OXCT1: variants seen among roughly 807,000 people sequenced by gnomAD.
OXCT1 encodes 3-oxoacid CoA-transferase 1, also known as succinyl-CoA:3-ketoacid coenzyme A transferase 1, mitochondrial.
In OXCT1, 27 loss-of-function variants were observed where a neutral mutation model predicts 69.6. That is an observed-to-expected ratio of 0.39 (90% CI 0.29 to 0.54). The LOEUF (loss-of-function observed/expected upper bound fraction) is 0.54, where lower values mean the gene tolerates loss of function less well. OXCT1 is among the 20% of genes least tolerant of loss of function. The probability of loss-of-function intolerance (pLI) is 0.72; values close to 1 mark genes in which losing one functional copy is unlikely to be tolerated. For synonymous variants in OXCT1, 202 were observed against 217.8 expected, an observed-to-expected ratio of 0.93 and a Z score of 0.64; for missense variants, 437 against 650.2, an observed-to-expected ratio of 0.67 and a Z score of 3.57.
In OXCT1 at chr5:41,731,667, T is replaced by G; in HGVS notation, c.*62A>C. ...TACACAATTATGATTATTGATGTCC[T>G]TTCAATTAAATCTTGTGTGTTTAAA... is the stretch of plus-strand genomic sequence containing the variant. On this transcript the variant is annotated 3_prime_UTR_variant, in exon 17 of 17. Coordinates refer to ENST00000196371, the MANE Select transcript of OXCT1 (RefSeq NM_000436.4). The G allele has an allele frequency of 3.8e-6, 6 of 1,561,854 alleles. No individual in the cohort carries two copies. The highest frequency in any genetic ancestry group is 5.2e-6 in the Non-Finnish European group (6 of 1,150,790).
rs181755809 is a variant in OXCT1 at position 41,805,149 on chromosome 5, G to C, written c.955+418C>G. ...AGGATCTTTGTCAAGAGAATAAAAG[G>C]GTTGTTAAGAAGTTGGATCTTTCAA... is the stretch of plus-strand genomic sequence containing the variant. On this transcript the variant is annotated intron_variant, in intron 9 of 16. Coordinates refer to ENST00000196371, the MANE Select transcript of OXCT1 (RefSeq NM_000436.4). Among the ~76,000 whole-genome samples the C allele has an allele frequency of 5.9e-5, 9 of 152,036 alleles. No individual in the cohort carries two copies. The East Asian group carries it at 1.4e-3, about 23-fold the overall frequency.
At chr5:41,764,231 A>G (rs1254454519) in intron 13 of OXCT1, among the ~76,000 whole-genome samples, 1 of 152,174 alleles carries the variant, frequency 6.6e-6, no homozygotes, top group African/African-American at 2.4e-5. Context: ...CTAGCCTGTT[A>G]ACTATGAGTC....
intron 14 of OXCT1, among the ~76,000 whole-genome samples, chr5:41,750,612 A>G (rs1042528009): frequency 1.3e-5 from 2 of 152,218 alleles, no homozygotes; most frequent in South Asian, 2.1e-4. Context: ...TGACGCCACT[A>G]TCGTCCTTAG....
intron 7 of OXCT1, among the ~76,000 whole-genome samples, chr5:41,815,285 T>C (rs1331974624): frequency 1.3e-5 from 2 of 152,192 alleles, no homozygotes; most frequent in African/African-American, 4.8e-5. Flanking sequence ...TCATTTCCAC[T>C]GACTCAAACC....
chr5:41,825,898 G>C (rs564869159), intron 7 of OXCT1, among the ~76,000 whole-genome samples: 17 of 152,302 alleles, frequency 1.1e-4, no homozygotes, highest in African/African-American at 4.1e-4. Flanking sequence ...TTCAGCACAA[G>C]CAAGTTTTAA....
intron 7 of OXCT1, among the ~76,000 whole-genome samples, chr5:41,838,918 A>G (rs932545183): frequency 7.9e-5 from 12 of 152,318 alleles, no homozygotes; most frequent in African/African-American, 2.9e-4. Flanking sequence ...TTTTAATTTT[A>G]TAAGTCACAT....
chr5:41,850,267 A>G, intron 4 of OXCT1, 88 bp from the exon 5 acceptor site: 3 of 1,432,216 alleles, frequency 2.1e-6, no homozygotes, highest in Non-Finnish European at 1.9e-6. Context: ...CCTACTATCT[A>G]GAGGCTTATA....
chr5:41,840,344 C>G (rs570236821), intron 7 of OXCT1, 107 bp downstream of exon 7: 36 of 835,822 alleles, frequency 4.3e-5, no homozygotes, highest in Admixed American at 6.3e-5. Flanking sequence ...AAAAAAAAAG[C>G]TGTCATTGTT....
intron 13 of OXCT1, among the ~76,000 whole-genome samples, chr5:41,783,525 A>G (rs1202195963): frequency 6.6e-6 from 1 of 152,190 alleles, no homozygotes; most frequent in Non-Finnish European, 1.5e-5. Context: ...CTGTTTAATG[A>G]GAAGAGCCTG....
chr5:41,767,997 A>T (rs899014827), intron 13 of OXCT1, among the ~76,000 whole-genome samples: 4 of 151,848 alleles, frequency 2.6e-5, no homozygotes, highest in Admixed American at 2.6e-4. Context: ...ATCTAGTTTC[A>T]TCATATGAAC....
At chr5:41,763,060 C>T (rs1237569774) in intron 13 of OXCT1, among the ~76,000 whole-genome samples, 1 of 152,114 alleles carries the variant, frequency 6.6e-6, no homozygotes, top group Non-Finnish European at 1.5e-5. Flanking sequence ...AGTCCTCTTG[C>T]TGATTTGCCA....
At chr5:41,852,252 CCAGTG>C (rs750404088) in intron 4 of OXCT1, among the ~76,000 whole-genome samples, 1 of 151,928 alleles carries the variant, frequency 6.6e-6, no homozygotes, top group Non-Finnish European at 1.5e-5. Flanking sequence ...AATACCAAGC[CCAGTG>C]CAATGCTATG....
intron 7 of OXCT1, among the ~76,000 whole-genome samples, chr5:41,822,662 C>T (rs780921421): frequency 4.6e-5 from 7 of 151,986 alleles, no homozygotes; most frequent in African/African-American, 1.5e-4. Context: ...TTAGTAGAGA[C>T]GGCGTTTCAC....
chr5:41,781,790 T>G (rs1412936604), intron 13 of OXCT1, among the ~76,000 whole-genome samples: 1 of 152,208 alleles, frequency 6.6e-6, no homozygotes, highest in Non-Finnish European at 1.5e-5. Flanking sequence ...TGATCTCGTT[T>G]CTTTATATGG....
chr5:41,794,571 C>G, intron 12 of OXCT1, 106 bp downstream of exon 12: 1 of 1,006,466 alleles, frequency 9.9e-7, no homozygotes. Context: ...TGATAGTTTT[C>G]TGGCTGGGAA....
At chr5:41,850,223 T>A (rs369640576) in intron 4 of OXCT1, 44 bp from the exon 5 acceptor site, 2 of 1,608,516 alleles carry the variant, frequency 1.2e-6, no homozygotes, top group African/African-American at 2.7e-5. Context: ...CTAAGCACAC[T>A]TCTCTATGTG....
At chr5:41,741,460 G>A (rs1308524000) in intron 15 of OXCT1, among the ~76,000 whole-genome samples, 4 of 152,126 alleles carry the variant, frequency 2.6e-5, no homozygotes, top group Non-Finnish European at 5.9e-5. Flanking sequence ...TAATAAAAAT[G>A]TACTTCCCAA....
intron 13 of OXCT1, among the ~76,000 whole-genome samples, chr5:41,790,106 G>A (rs141050980): frequency 6.6e-6 from 1 of 152,296 alleles, no homozygotes; most frequent in African/African-American, 2.4e-5. Context: ...CCATAAGAAT[G>A]CCTCATTCAA....
At chr5:41,791,028 C>G (rs1745891111) in intron 13 of OXCT1, among the ~76,000 whole-genome samples, 1 of 152,132 alleles carries the variant, frequency 6.6e-6, no homozygotes, top group Admixed American at 6.6e-5. Context: ...TTGCAGTGTT[C>G]ACTTTTCATT....
Sources: gnomAD v4.1 joint callset for allele counts (sites outside exome capture counted in the v4.1 genomes callset) on GRCh38, gnomAD v4.1.1 for gene constraint, MANE v1.5 for transcripts, NCBI Gene and HGNC (gene_info 2026-07-23, HGNC 2026-07-21) for gene names.